SCNN1B: variants seen among roughly 807,000 people sequenced by gnomAD.
SCNN1B encodes the protein epithelial sodium channel subunit beta.
SCNN1B carries 46 observed loss-of-function variants against 65.3 expected under a neutral mutation model. The observed-to-expected ratio is 0.70, with a 90% confidence interval of 0.56 to 0.90. SCNN1B has a LOEUF of 0.90. Ranked by LOEUF, SCNN1B falls within the 40% of genes least tolerant of loss-of-function variation. SCNN1B has a pLI of 0.00. For missense variants in SCNN1B, 751 were observed against 830.5 expected (o/e 0.90, Z 1.18); for synonymous variants, 349 against 330.6 (o/e 1.06, Z -0.60).
intron 2 of SCNN1B, among the ~76,000 whole-genome samples, chr16:23,285,472 T>TA (rs891793323): frequency 6.6e-6 from 1 of 151,848 alleles, no homozygotes; most frequent in Non-Finnish European, 1.5e-5. Flanking sequence ...GCACCCAGCC[T>TA]AAAAAAATAT....
intron 4 of SCNN1B, 133 bp from the exon 5 acceptor site, chr16:23,367,723 G>A: frequency 1.3e-6 from 1 of 768,790 alleles, no homozygotes; most frequent in Non-Finnish European, 2.3e-6. Context: ...CCAGAGGATG[G>A]ACAGAATGAC....
At chr16:23,319,648 A>G (rs1016867873) in intron 1 of SCNN1B, among the ~76,000 whole-genome samples, 3 of 152,248 alleles carry the variant, frequency 2.0e-5, no homozygotes, top group African/African-American at 7.2e-5. Context: ...ACTGTATGGC[A>G]CGGAAAGCCT....
chr16:23,333,109 G>A (rs553284033), intron 1 of SCNN1B, among the ~76,000 whole-genome samples: 29 of 117,844 alleles, frequency 2.5e-4, no homozygotes, highest in African/African-American at 1.1e-3. Flanking sequence ...AAGGAAGGAA[G>A]GGAGGGAGGG....
intron 2 of SCNN1B, among the ~76,000 whole-genome samples, chr16:23,296,781 C>T (rs909321293): frequency 2.6e-5 from 4 of 152,080 alleles, no homozygotes; most frequent in African/African-American, 7.2e-5. Context: ...GCGGGCAGAT[C>T]ACGGGGTCAG....
At chr16:23,290,853 C>A (rs971561520) in intron 2 of SCNN1B, among the ~76,000 whole-genome samples, 1 of 152,048 alleles carries the variant, frequency 6.6e-6, no homozygotes, top group African/African-American at 2.4e-5. Context: ...TTAAAAGTTT[C>A]GAAAGTTTTG....
chr16:23,348,671 G>A lies in SCNN1B; in HGVS notation c.72G>A (p.Glu24=). Residue 24 remains glutamate, a synonymous_variant, in exon 2 of 13, where the codon GAG becomes GAA. Transcript: ENST00000343070. The surrounding 1 kb of genome is among the most constrained non-coding windows in gnomAD (Gnocchi z 4.5). ...AGGGCCCCGGCTACACGTACAAGGA[G>A]CTGCTGGTGTGGTACTGCGACAACA... ...LQKGPGYTYK[E]LLVWYCDNTN... The A allele has an allele frequency of 1.2e-6, 2 of 1,613,944 alleles. No homozygotes were observed. The highest frequency in any genetic ancestry group is 1.7e-6 in the Non-Finnish European group (2 of 1,180,018).
intron 4 of SCNN1B, among the ~76,000 whole-genome samples, chr16:23,363,333 G>A (rs1218480408): frequency 1.3e-5 from 2 of 152,156 alleles, no homozygotes; most frequent in Non-Finnish European, 2.9e-5. Flanking sequence ...GCACGAAGAC[G>A]TGATGTAACC....
At chr16:23,341,690 A>G (rs946332946) in intron 1 of SCNN1B, among the ~76,000 whole-genome samples, 1 of 152,240 alleles carries the variant, frequency 6.6e-6, no homozygotes, top group Non-Finnish European at 1.5e-5. Flanking sequence ...TGGCCATATA[A>G]TGGATCTAAT....
At chr16:23,321,694 G>A (rs141457674) in intron 1 of SCNN1B, among the ~76,000 whole-genome samples, 1 of 152,136 alleles carries the variant, frequency 6.6e-6, no homozygotes, top group African/African-American at 2.4e-5. Context: ...GGCACGTTAG[G>A]TACTCCGCGG....
At chr16:23,339,147 G>A (rs1012336316) in intron 1 of SCNN1B, among the ~76,000 whole-genome samples, 1 of 152,092 alleles carries the variant, frequency 6.6e-6, no homozygotes, top group Non-Finnish European at 1.5e-5. Context: ...TACGTGTTTA[G>A]CTTTTTACTC....
intron 1 of SCNN1B, among the ~76,000 whole-genome samples, chr16:23,319,742 T>A (rs925567355): frequency 2.0e-5 from 3 of 152,142 alleles, no homozygotes; most frequent in African/African-American, 7.2e-5. Context: ...GCTGCACATA[T>A]TATCAAATTA....
intron 1 of SCNN1B, among the ~76,000 whole-genome samples, chr16:23,306,071 C>T (rs1254860162): frequency 6.6e-6 from 1 of 152,016 alleles, no homozygotes; most frequent in African/African-American, 2.4e-5. Context: ...GGTGAAGCTC[C>T]ATCTCTAGTA....
chr16:23,289,145 C>A (rs1596807359), intron 2 of SCNN1B, among the ~76,000 whole-genome samples: 1 of 152,204 alleles, frequency 6.6e-6, no homozygotes, highest in African/African-American at 2.4e-5. Context: ...ACTGGGGGCA[C>A]CTTAGAGCCT....
At chr16:23,356,747 AG>A (rs1421117430) in intron 4 of SCNN1B, among the ~76,000 whole-genome samples, 1 of 152,142 alleles carries the variant, frequency 6.6e-6, no homozygotes, top group Non-Finnish European at 1.5e-5. Context: ...GTAACCCTGG[AG>A]GTCTAGGTCT....
Position 23,380,367 on chromosome 16 carries a change from G to A in SCNN1B, c.1543-54G>A, listed in dbSNP as rs1183405510. The A allele has an allele frequency of 6.2e-7, 1 of 1,613,026 alleles. No individual in the cohort carries two copies. Among genetic ancestry groups the A allele is most frequent in the Non-Finnish European group, 8.5e-7 (1 of 1,179,874 alleles). The stretch of plus-strand genomic sequence containing the variant: ...ACCTCCCAGGAAGCTGTGAGGCTGG[G>A]CTAGAGGCAAGAATGTGTGGCCTGA... On this transcript the variant is annotated intron_variant, in intron 12 of 12. Transcript: ENST00000343070. This position sits in a 1 kb window ranked among gnomAD's most constrained non-coding sequence, Gnocchi z 5.4.
At chr16:23,355,089 G>C (rs955208067) in intron 3 of SCNN1B, among the ~76,000 whole-genome samples, 9 of 152,172 alleles carry the variant, frequency 5.9e-5, no homozygotes, top group African/African-American at 1.9e-4. Context: ...AGCCTGATGA[G>C]GGGATCTTGT....
At chr16:23,351,167 G>A (rs1962301091) in intron 2 of SCNN1B, among the ~76,000 whole-genome samples, 1 of 152,168 alleles carries the variant, frequency 6.6e-6, no homozygotes, top group African/African-American at 2.4e-5. Context: ...GGTTCTTCCT[G>A]CCTTGGTGGG....
In SCNN1B at chr16:23,375,800, G is replaced by A. The variant is rs150414095; in HGVS notation, c.1215G>A (p.Leu405=). The change falls in exon 8 of 13, where the codon CTG becomes CTA. Residue 405 remains leucine (L), a synonymous_variant. Coordinates refer to ENST00000343070, the MANE Select transcript of SCNN1B (RefSeq NM_000336.3). ...MIRNCNCGHY[L]YPLPRGEKYC... ...GTAACTGCAACTGTGGCCACTACCTGTACCCACTGCCCCGTGGGGAGAAAT... is the reference window on the plus strand; with the variant it reads ...GTAACTGCAACTGTGGCCACTACCTATACCCACTGCCCCGTGGGGAGAAAT... 8.7e-6 allele frequency: 14 copies of A among 1,614,054 alleles called. No homozygotes were observed. In the African/African-American group the frequency reaches 1.9e-4, roughly 22 times the overall value.
intron 1 of SCNN1B, among the ~76,000 whole-genome samples, chr16:23,336,409 G>T (rs1961941815): frequency 7.0e-6 from 1 of 143,590 alleles, no homozygotes; most frequent in Admixed American, 7.2e-5. Flanking sequence ...GTCTCGCTCT[G>T]TCGCCAGGCT....
Sources: gnomAD v4.1 joint callset for allele counts (sites outside exome capture counted in the v4.1 genomes callset) on GRCh38, gnomAD v4.1.1 for gene constraint, Gnocchi (gnomAD v3.1) non-coding constraint, MANE v1.5 for transcripts, NCBI Gene and HGNC (gene_info 2026-07-23, HGNC 2026-07-21) for gene names.